NBPF11: variants seen among roughly 807,000 people sequenced by gnomAD.
The protein encoded by NBPF11 is NBPF family member NBPF11.
NBPF11 carries 72 observed loss-of-function variants against 93.9 expected under a neutral mutation model. The observed-to-expected ratio is 0.77, with a 90% CI of 0.63 to 0.93. The LOEUF is 0.93. Ranked by LOEUF, NBPF11 falls within the 40% of genes least tolerant of loss-of-function variation. NBPF11 has a pLI of 0.00. For synonymous variants in NBPF11, 224 were observed against 304.9 expected (o/e 0.73, Z 2.76); for missense variants, 705 against 802.2 (o/e 0.88, Z 1.46).
intron 2 of NBPF11, among the ~76,000 whole-genome samples, chr1:148,142,365 C>T (rs1240923702): frequency 6.6e-6 from 1 of 151,854 alleles, no homozygotes; most frequent in Non-Finnish European, 1.5e-5. Flanking sequence ...TCCTCTGGCC[C>T]GCTGTTGCCA....
At position 148,105,546 on chromosome 1, in the gene NBPF11, A is replaced by T. The variant is rs1321644781; in HGVS notation, c.2304-18T>A. ...TGCTGAGCCTGGAAAAGGAGGAAAA[A>T]GTAAAGAATAAGCCAGGGGAAATCA... On this transcript the variant is annotated intron_variant, in intron 21 of 23. Transcript: ENST00000682118. 8.2e-6 allele frequency: 6 copies of T among 733,098 alleles called. No individual in the cohort carries two copies. In the Admixed American group the frequency reaches 9.4e-5, roughly 11 times the overall value. 45.4% of individuals were successfully genotyped at this position (733,098 alleles called of 1,614,324 possible).
At chr1:148,116,295 A>C (rs1666523601) in intron 13 of NBPF11, among the ~76,000 whole-genome samples, 168 bp downstream of exon 13, 2 of 152,044 alleles carry the variant, frequency 1.3e-5, no homozygotes, top group African/African-American at 4.8e-5. Flanking sequence ...GCACACATAG[A>C]GAAACATGAC....
intron 1 of NBPF11, chr1:148,146,392 G>A (rs1336295106): frequency 1.3e-5 from 21 of 1,593,856 alleles, no homozygotes; most frequent in Admixed American, 1.2e-4. Context: ...GGCGGCGCCC[G>A]CCATGAACGG....
intron 4 of NBPF11, among the ~76,000 whole-genome samples, chr1:148,131,323 G>C (rs1302078721): frequency 1.3e-5 from 2 of 151,618 alleles, no homozygotes; most frequent in African/African-American, 2.4e-5. Context: ...TTTACTGGGG[G>C]TCTGAAGAAA....
intron 3 of NBPF11, among the ~76,000 whole-genome samples, chr1:148,136,417 C>T (rs1368225101): frequency 6.6e-6 from 1 of 151,548 alleles, no homozygotes; most frequent in Non-Finnish European, 1.5e-5. Flanking sequence ...TACATTCATT[C>T]CATGGAATGG....
At position 148,122,158 on chromosome 1, in the gene NBPF11, C is replaced by A; in HGVS notation, c.675G>T (p.Lys225Asn). 2 of 1,613,096 alleles carry A rather than the reference C, an allele frequency of 1.2e-6. No homozygotes were observed. The highest frequency in any genetic ancestry group is 1.3e-5 in the African/African-American group (1 of 74,808). The change falls in exon 9 of 24, where the codon AAG becomes AAT. Residue 225 changes from lysine (K) to asparagine (N), a missense_variant. Physicochemically the swap from Lys to Asn is moderately conservative, Grantham distance 94. Coordinates refer to ENST00000682118, the MANE Select transcript of NBPF11 (RefSeq NM_001385469.3). ...CTTCCTCAAATGTGATTTTGATGTT[C>A]TTGTGAGGCTGGATGGAGTCACAAG... ...HGPCDSIQPH[K>N]NIKITFEEDK...
intron 2 of NBPF11, among the ~76,000 whole-genome samples, chr1:148,140,080 A>G (rs1336759239): frequency 1.3e-5 from 2 of 151,910 alleles, no homozygotes; most frequent in African/African-American, 4.9e-5. Flanking sequence ...AAGAGAAAAC[A>G]CACACAAATA....
At position 148,151,331 on chromosome 1, in the gene NBPF11, G is replaced by A. The variant is rs1402320015; in HGVS notation, c.-549+419C>T. Among the ~76,000 whole-genome samples, 914 of 151,998 alleles carry A rather than the reference G, an allele frequency of 6.0e-3. 21 individuals carry two copies. The highest frequency in any genetic ancestry group is 0.02 in the African/African-American group (842 of 41,304). On this transcript the variant is annotated intron_variant, in intron 1 of 23. Transcript: ENST00000682118. ...GAGACACCGCCAGGAGCAGAATCCC[G>A]GAGGCCAATAAAGACCCCAACTTTG...
chr1:148,146,992 G>A (rs1673244953), intron 1 of NBPF11: 27 of 1,397,076 alleles, frequency 1.9e-5, no homozygotes, highest in Middle Eastern at 2.3e-4. Flanking sequence ...GCCGGGGGGC[G>A]GGCTTCCCTG....
chr1:148,118,119 T>C (rs1184432770), intron 11 of NBPF11, among the ~76,000 whole-genome samples: 2 of 147,950 alleles, frequency 1.4e-5, no homozygotes, highest in East Asian at 2.0e-4. Flanking sequence ...AAAATACACA[T>C]AGTGCATCTT....
chr1:148,121,858 T>C (rs1362972560), intron 9 of NBPF11, among the ~76,000 whole-genome samples, 197 bp downstream of exon 9: 2 of 151,886 alleles, frequency 1.3e-5, no homozygotes, highest in African/African-American at 4.9e-5. Context: ...TCCAGGCTGG[T>C]CTTCAACTCC....
At chr1:148,120,162 G>T (rs1342914749) in intron 10 of NBPF11, among the ~76,000 whole-genome samples, 1 of 151,990 alleles carries the variant, frequency 6.6e-6, no homozygotes, top group African/African-American at 2.4e-5. Flanking sequence ...CAACAGACTA[G>T]ATGTTATTTG....
At chr1:148,151,400 A>G (rs1553882566) in intron 1 of NBPF11, among the ~76,000 whole-genome samples, 15 of 152,126 alleles carry the variant, frequency 9.9e-5, no homozygotes, top group Admixed American at 2.0e-4. Flanking sequence ...GTTCCCAGAA[A>G]GAACGGCCTC....
At chr1:148,110,074 T>A (rs2149188837) in intron 16 of NBPF11, among the ~76,000 whole-genome samples, 1 of 151,574 alleles carries the variant, frequency 6.6e-6, no homozygotes, top group Admixed American at 6.6e-5. Flanking sequence ...GACAGACAAC[T>A]CCTGGGCATG....
At chr1:148,125,220 C>G (rs1337702108) in intron 5 of NBPF11, among the ~76,000 whole-genome samples, 1 of 151,942 alleles carries the variant, frequency 6.6e-6, no homozygotes. Context: ...AAGGGCGCAT[C>G]AAGGAAGTTG....
At position 148,120,625 on chromosome 1, in the gene NBPF11, A is replaced by C; in HGVS notation, c.864T>G (p.Ile288Met). 1 of 1,532,688 alleles carries C rather than the reference A, an allele frequency of 6.5e-7. No individual in the cohort carries two copies. The highest frequency in any genetic ancestry group is 1.4e-5 in the African/African-American group (1 of 73,016). 94.9% of individuals were successfully genotyped at this position (1,532,688 alleles called of 1,614,324 possible). ...PLSSEKAEMN[I>M]LEINEKLCPQ... ...GGCACAATTTCTCATTGATTTCTAG[A>C]ATGTTCATCTCTGCCTTCTCGCTGG... The change falls in exon 10 of 24, where the codon ATT becomes ATG. Residue 288 changes from isoleucine (I) to methionine (M), a missense_variant. Around this residue, in one of 12 missense-constraint regions of NBPF11, gnomAD observed 262 missense variants for 223.1 expected, o/e 1.17. Transcript: ENST00000682118.
intron 1 of NBPF11, chr1:148,146,696 G>A (rs1455538565): frequency 6.2e-7 from 1 of 1,611,804 alleles, no homozygotes; most frequent in Non-Finnish European, 8.5e-7. Flanking sequence ...CGTGTCTCCT[G>A]CATGTATGTT....
rs1232383031 is a variant in NBPF11 at position 148,125,216 on chromosome 1, G to A, written c.176-215C>T. Among the ~76,000 whole-genome samples, 165 of 152,060 alleles carry A rather than the reference G, an allele frequency of 1.1e-3. 2 individuals carry two copies. The highest frequency in any genetic ancestry group is 2.0e-3 in the African/African-American group (84 of 41,342). Reference sequence around the variant, plus strand: ...GACGAAGAAAGAGAAACTCAAGGGCGCATCAAGGAAGTTGACAAGATGATT... The same window carrying A: ...GACGAAGAAAGAGAAACTCAAGGGCACATCAAGGAAGTTGACAAGATGATT... On this transcript the variant is annotated intron_variant, in intron 5 of 23. Transcript: ENST00000682118.
At chr1:148,122,355 A>G in intron 8 of NBPF11, 89 bp from the exon 9 acceptor site, 2 of 1,594,156 alleles carry the variant, frequency 1.3e-6, no homozygotes, top group Non-Finnish European at 1.7e-6. Flanking sequence ...GACAAGCGGC[A>G]TTAAGAGAGT....
Sources: allele counts gnomAD v4.1 joint callset (sites outside exome capture counted in the v4.1 genomes callset), GRCh38; gene constraint gnomAD v4.1.1; regional missense constraint gnomAD v4.1.1; transcripts MANE v1.5; gene names NCBI Gene and HGNC (gene_info 2026-07-23, HGNC 2026-07-21).